AGR2: variants seen among roughly 807,000 people sequenced by gnomAD.
The protein encoded by AGR2 is anterior gradient 2, protein disulphide isomerase family member.
In AGR2, 27 loss-of-function variants were observed where a neutral mutation model predicts 25.9. The observed-to-expected ratio is 1.04, with a 90% CI of 0.77 to 1.44. The LOEUF is 1.44. AGR2 is among the 40% of genes most tolerant of loss of function. The pLI, the probability that AGR2 is intolerant of heterozygous loss-of-function variation, is 0.00. For missense variants in AGR2, 182 were observed against 200.9 expected, an observed-to-expected ratio of 0.91 and a Z score of 0.57; for synonymous variants, 78 against 72.0, an observed-to-expected ratio of 1.08 and a Z score of -0.42.
At chr7:16,793,241 GT>G (rs1283623288) in intron 7 of AGR2, among the ~76,000 whole-genome samples, 2 of 152,048 alleles carry the variant, frequency 1.3e-5, no homozygotes, top group East Asian at 3.9e-4. Flanking sequence ...GAGAGATGGG[GT>G]TTTGGTATGC....
intron 7 of AGR2, chr7:16,794,553 G>A: frequency 5.0e-6 from 2 of 399,496 alleles, no homozygotes; most frequent in South Asian, 6.5e-5. Flanking sequence ...AAGCTGGACT[G>A]CACATTCTTT....
chr7:16,799,646 G>T (rs896874028), intron 5 of AGR2, 98 bp downstream of exon 5: 1 of 783,678 alleles, frequency 1.3e-6, no homozygotes, highest in Non-Finnish European at 2.1e-6. Flanking sequence ...AGCAATCCCA[G>T]TTAATGCAGT....
At position 16,792,672 on chromosome 7, in the gene AGR2, T is replaced by C; in HGVS notation, c.*236A>G. On this transcript the variant is annotated 3_prime_UTR_variant, in exon 8 of 8. Coordinates refer to ENST00000419304, the MANE Select transcript of AGR2 (RefSeq NM_006408.4). ...AAACAGAACACCCCCAAAACATTTA[T>C]TTTTTTTTTTAGAAAATCATGGCTC... is the stretch of plus-strand genomic sequence containing the variant. 7.8e-6 allele frequency: 2 copies of C among 255,354 alleles called. No individual in the cohort carries two copies. The highest frequency in any genetic ancestry group is 1.3e-4 in the East Asian group (2 of 15,196). The allele number at this position is 255,354 out of a possible 1,614,324, so 15.8% of individuals were successfully genotyped here.
At chr7:16,797,860 TAATA>T (rs1403210889) in intron 5 of AGR2, among the ~76,000 whole-genome samples, 166 bp from the exon 6 acceptor site, 1 of 152,056 alleles carries the variant, frequency 6.6e-6, no homozygotes, top group Non-Finnish European at 1.5e-5. Flanking sequence ...AAGCATGAAA[TAATA>T]AATAAGATAG....
At chr7:16,799,907 T>C in intron 4 of AGR2, 90 bp from the exon 5 acceptor site, 1 of 874,986 alleles carries the variant, frequency 1.1e-6, no homozygotes, top group Admixed American at 2.5e-5. Context: ...TTTATTTACT[T>C]ATTGAATTGC....
chr7:16,795,109 T>C (rs1376784949), intron 6 of AGR2, 90 bp from the exon 7 acceptor site: 1 of 1,368,530 alleles, frequency 7.3e-7, no homozygotes, highest in African/African-American at 1.4e-5. Flanking sequence ...GTTCATGTAT[T>C]CATGTCCTGT....
chr7:16,795,458 T>TTA (rs532442546), intron 6 of AGR2, among the ~76,000 whole-genome samples: 180 of 152,004 alleles, frequency 1.2e-3, no homozygotes, highest in African/African-American at 4.0e-3. Context: ...ACGAGTTTTT[T>TTA]AAAAAAAGTT....
intron 7 of AGR2, chr7:16,794,696 C>G (rs1190757572): frequency 1.8e-6 from 2 of 1,081,266 alleles, no homozygotes; most frequent in African/African-American, 3.2e-5. Flanking sequence ...ATAGAATCCT[C>G]CTAGAGAAAA....
intron 6 of AGR2, among the ~76,000 whole-genome samples, chr7:16,795,357 T>A (rs1010428682): frequency 6.6e-5 from 10 of 151,420 alleles, no homozygotes; most frequent in Non-Finnish European, 1.3e-4. Flanking sequence ...CATTCTCTAC[T>A]GCAAAATTAT....
intron 5 of AGR2, among the ~76,000 whole-genome samples, chr7:16,799,186 G>A (rs1037503750): frequency 9.2e-5 from 14 of 151,996 alleles, no homozygotes; most frequent in Non-Finnish European, 4.4e-5. Flanking sequence ...TGAAGAGGAA[G>A]GGCCGGAGGG....
chr7:16,792,733 A>G lies in AGR2; in HGVS notation c.*175T>C. The G allele has an allele frequency of 1.6e-6, 1 of 635,436 alleles. No homozygotes were observed. Among genetic ancestry groups the G allele is most frequent in the South Asian group, 2.0e-5 (1 of 50,310 alleles). 39.4% of individuals were successfully genotyped at this position (635,436 alleles called of 1,614,324 possible). On this transcript the variant is annotated 3_prime_UTR_variant, in exon 8 of 8. Coordinates refer to ENST00000419304, the MANE Select transcript of AGR2 (RefSeq NM_006408.4). ...TATACAATATTGTTTTCACACATGTACACTTGAAACCAAATTTCTAAAACT... is the reference window on the plus strand; with the variant it reads ...TATACAATATTGTTTTCACACATGTGCACTTGAAACCAAATTTCTAAAACT...
In AGR2 at chr7:16,792,962, T is replaced by C. The variant is rs1248932185; in HGVS notation, c.479-5A>G. Reference sequence around the variant, plus strand: ...CTTTCTTCATGTTGTCAAGCACTAATGGGGGATAAAAGCAGGAGAGTCAAG... The same window carrying C: ...CTTTCTTCATGTTGTCAAGCACTAACGGGGGATAAAAGCAGGAGAGTCAAG... On this transcript the variant is annotated splice_region_variant and splice_polypyrimidine_tract_variant and intron_variant, in intron 7 of 7. Transcript: ENST00000419304. 10 of 1,613,874 alleles carry C rather than the reference T, an allele frequency of 6.2e-6. No homozygotes were observed. Among genetic ancestry groups the C allele is most frequent in the Admixed American group, 1.7e-5 (1 of 60,022 alleles).
At chr7:16,799,667 T>C (rs1785108700) in intron 5 of AGR2, 77 bp downstream of exon 5, 2 of 1,023,886 alleles carry the variant, frequency 2.0e-6, no homozygotes, top group East Asian at 4.8e-5. Context: ...ATAACTAAGA[T>C]GTATAGGAAA....
intron 6 of AGR2, among the ~76,000 whole-genome samples, chr7:16,796,902 C>T (rs982911719): frequency 6.6e-6 from 1 of 150,424 alleles, no homozygotes; most frequent in Non-Finnish European, 1.5e-5. Context: ...TGGCTCCTTT[C>T]ATTTCTTTTT....
rs183752141 is a variant in AGR2 at position 16,799,931 on chromosome 7, T to C, written c.257-114A>G. 27 of 718,660 alleles carry C rather than the reference T, an allele frequency of 3.8e-5. No individual in the cohort carries two copies. In the African/African-American group the frequency reaches 3.9e-4, roughly 10 times the overall value. The allele number at this position is 718,660 out of a possible 1,614,324, so 44.5% of individuals were successfully genotyped here. ...TTATTGAATTGCATTTTAAATACAG[T>C]ATTCTACTTTGGCCTTTTAGCAAAT... is the stretch of plus-strand genomic sequence containing the variant. On this transcript the variant is annotated intron_variant, in intron 4 of 7. Transcript: ENST00000419304.
At chr7:16,802,418 T>C (rs1785164573) in intron 1 of AGR2, among the ~76,000 whole-genome samples, 1 of 152,180 alleles carries the variant, frequency 6.6e-6, no homozygotes, top group Non-Finnish European at 1.5e-5. Context: ...ACACCACAGC[T>C]GAACCTACCG....
intron 4 of AGR2, among the ~76,000 whole-genome samples, 167 bp from the exon 5 acceptor site, chr7:16,799,984 G>C (rs1298395531): frequency 6.6e-6 from 1 of 152,152 alleles, no homozygotes; most frequent in Non-Finnish European, 1.5e-5. Context: ...CTATGGCATT[G>C]ACTACCTCTG....
At chr7:16,801,850 A>G (rs1326054768) in intron 1 of AGR2, 47 bp from the exon 2 acceptor site, 1 of 1,562,744 alleles carries the variant, frequency 6.4e-7, no homozygotes, top group Non-Finnish European at 8.7e-7. Flanking sequence ...TTGAACTAGC[A>G]GTCTTCAGGG....
At chr7:16,797,516 G>T in intron 6 of AGR2, 115 bp downstream of exon 6, 1 of 768,020 alleles carries the variant, frequency 1.3e-6, no homozygotes, top group East Asian at 2.5e-5. Flanking sequence ...CTCCTTGCTA[G>T]AGCTTAGTGA....
Sources: gnomAD v4.1 joint callset for allele counts (sites outside exome capture counted in the v4.1 genomes callset) on GRCh38, gnomAD v4.1.1 for gene constraint, MANE v1.5 for transcripts, NCBI Gene and HGNC (gene_info 2026-07-23, HGNC 2026-07-21) for gene names.